The following MEF2C variants were observed in gnomAD, a reference collection of about 807,000 sequenced individuals.
The protein encoded by MEF2C is myocyte enhancer factor 2C.
A neutral mutation model predicts 50.5 loss-of-function variants in MEF2C; 6 were observed. That is an observed-to-expected ratio of 0.12 (90% CI 0.07 to 0.23). The LOEUF (loss-of-function observed/expected upper bound fraction) is 0.23. Ranked by LOEUF, MEF2C falls within the 10% of genes least tolerant of loss-of-function variation. The pLI is 1.00. For missense variants in MEF2C, 276 were observed against 605.0 expected (o/e 0.46, Z 5.70); for synonymous variants, 183 against 228.0 (o/e 0.80, Z 1.78).
intron 3 of MEF2C, among the ~76,000 whole-genome samples, chr5:88,767,808 C>T (rs899621164): frequency 1.3e-5 from 2 of 152,114 alleles, no homozygotes; most frequent in Admixed American, 6.5e-5. Context: ...GTATTGAACA[C>T]AAGGAAACAT....
chr5:88,838,555 C>G, intron 1 of MEF2C: 3 of 984,326 alleles, frequency 3.0e-6, no homozygotes, highest in Non-Finnish European at 3.6e-6. Context: ...AAGAATTACA[C>G]AGAATTCTCA....
At chr5:88,882,866 T>A (rs10044342) in intron 1 of MEF2C, 89 bp downstream of exon 1, 1 of 151,910 alleles carries the variant, frequency 6.6e-6, no homozygotes, top group Non-Finnish European at 1.5e-5. Flanking sequence ...CAGGGATAGA[T>A]AGACACAGTG....
At chr5:88,783,413 G>T (rs1201456432) in intron 3 of MEF2C, among the ~76,000 whole-genome samples, 1 of 152,144 alleles carries the variant, frequency 6.6e-6, no homozygotes, top group Non-Finnish European at 1.5e-5. Context: ...CGGATCACCT[G>T]AAGTCGAGAG....
chr5:88,900,618 A>G (rs1202788530), intron 1 of MEF2C, among the ~76,000 whole-genome samples: 1 of 151,986 alleles, frequency 6.6e-6, no homozygotes, highest in East Asian at 1.9e-4. Context: ...ATTTTTTAGA[A>G]CTACATTTTA....
Position 88,722,730 on chromosome 5 carries a change from G to A in MEF2C, c.1296C>T (p.Asp432=), listed in dbSNP as rs756839313. The part of the protein sequence containing the change: ...DSLSSCSSSY[D]GSDREDHRNE... ...TCCGGTGATCCTCTCGGTCGCTCCC[G>A]TCGTACGAACTGCTACAGCTGCTCA... is the stretch of plus-strand genomic sequence containing the variant. The change falls in exon 11 of 11, where the codon GAC becomes GAT. Residue 432 remains aspartate, a synonymous_variant. Coordinates refer to ENST00000504921, the MANE Select transcript of MEF2C (RefSeq NM_002397.5). 4 of 1,613,828 alleles carry A rather than the reference G, an allele frequency of 2.5e-6. No homozygotes were observed. The highest frequency in any genetic ancestry group is 1.6e-4 in the Middle Eastern group (1 of 6,084).
At chr5:88,881,726 CTT>C (rs5869446) in intron 1 of MEF2C, among the ~76,000 whole-genome samples, 3 of 142,950 alleles carry the variant, frequency 2.1e-5, no homozygotes. Flanking sequence ...AGGCTAGTCG[CTT>C]TTTTTTTTTT....
chr5:88,836,169 A>T (rs1467123006), intron 1 of MEF2C, among the ~76,000 whole-genome samples: 1 of 152,186 alleles, frequency 6.6e-6, no homozygotes, highest in Non-Finnish European at 1.5e-5. Flanking sequence ...AATCAATCAA[A>T]TGCCCTACAA....
chr5:88,734,114 A>G, intron 6 of MEF2C: 1 of 984,750 alleles, frequency 1.0e-6, no homozygotes. Flanking sequence ...TATATTTAAT[A>G]TGTCATCCTG....
chr5:88,842,057 CTTTA>C (rs1171209175), intron 1 of MEF2C, among the ~76,000 whole-genome samples: 1 of 152,106 alleles, frequency 6.6e-6, no homozygotes, highest in Non-Finnish European at 1.5e-5. Context: ...ACAGATCTTT[CTTTA>C]GTCAACCAGA....
At chr5:88,876,209 A>G (rs1048400544) in intron 1 of MEF2C, among the ~76,000 whole-genome samples, 48 of 151,994 alleles carry the variant, frequency 3.2e-4, no homozygotes, top group African/African-American at 1.1e-3. Context: ...CTGTTCAGAT[A>G]TAAAAAATGT....
intron 1 of MEF2C, among the ~76,000 whole-genome samples, chr5:88,842,191 T>C (rs1373962700): frequency 6.6e-6 from 1 of 152,196 alleles, no homozygotes; most frequent in Admixed American, 6.5e-5. Context: ...TTCTTTGAAA[T>C]CTGATCCATT....
intron 3 of MEF2C, among the ~76,000 whole-genome samples, chr5:88,764,088 T>G (rs1778961070): frequency 6.6e-6 from 1 of 152,252 alleles, no homozygotes; most frequent in African/African-American, 2.4e-5. Flanking sequence ...ATAGTTGTTT[T>G]GATATGCAGA....
chr5:88,734,041 CAA>C, intron 6 of MEF2C: 4 of 982,832 alleles, frequency 4.1e-6, no homozygotes, highest in Non-Finnish European at 4.8e-6. Flanking sequence ...AAAAAACAAA[CAA>C]AAGAGAGTAT....
chr5:88,797,455 CTTTTTTTTT>C (rs879036291), intron 3 of MEF2C, among the ~76,000 whole-genome samples: 5 of 63,312 alleles, frequency 7.9e-5, no homozygotes, highest in East Asian at 4.8e-4. Context: ...CAACCCTTGC[CTTTTTTTTT>C]TTTTTTTTTT....
At chr5:88,838,782 A>G (rs1816159816) in intron 1 of MEF2C, 1 of 948,534 alleles carries the variant, frequency 1.1e-6, no homozygotes, top group Non-Finnish European at 1.3e-6. Context: ...TCCTCAAATT[A>G]TGGTCTACTA....
chr5:88,724,594 C>CTG, intron 10 of MEF2C, among the ~76,000 whole-genome samples: 1 of 152,118 alleles, frequency 6.6e-6, no homozygotes, highest in South Asian at 2.1e-4. Flanking sequence ...TTTCAAACAC[C>CTG]TGTTTATATT....
At position 88,769,813 on chromosome 5, in the gene MEF2C, T is replaced by A. The variant is rs528431308; in HGVS notation, c.259-8485A>T. On this transcript the variant is annotated intron_variant, in intron 3 of 10. Transcript: ENST00000504921. ...GTGTGTGCCATCAAGTCTGGCTAATTTTTGTAGTTTTTGGTAGAGATGGGG... is the reference window on the plus strand; with the variant it reads ...GTGTGTGCCATCAAGTCTGGCTAATATTTGTAGTTTTTGGTAGAGATGGGG... 1.4e-4 allele frequency: 34 copies of A among 243,740 alleles called. 1 individual carries two copies. The South Asian group carries it at 4.6e-3, about 33-fold the overall frequency. 15.1% of individuals were successfully genotyped at this position (243,740 alleles called of 1,614,324 possible).
chr5:88,744,103 C>G (rs1008406468), intron 6 of MEF2C: 72 of 984,712 alleles, frequency 7.3e-5, no homozygotes, highest in Non-Finnish European at 8.2e-5. Context: ...AAAAGGCAAT[C>G]GTATTATCAA....
chr5:88,739,736 AT>A (rs1019262877), intron 6 of MEF2C: 2 of 984,706 alleles, frequency 2.0e-6, no homozygotes, highest in East Asian at 2.3e-4. Flanking sequence ...TTTTATTTTT[AT>A]TTTTTTGAGA....
Sources: gnomAD v4.1 joint callset for allele counts (sites outside exome capture counted in the v4.1 genomes callset) on GRCh38, gnomAD v4.1.1 for gene constraint, MANE v1.5 for transcripts, NCBI Gene and HGNC (gene_info 2026-07-23, HGNC 2026-07-21) for gene names.